Variants in HDAC9 observed in about 807,000 individuals in gnomAD.
HDAC9 encodes histone deacetylase 9, also known as MEF-2 interacting transcription repressor (MITR) protein.
Under a neutral mutation model 139.4 loss-of-function variants are expected in HDAC9, and 41 were observed. That is an observed-to-expected ratio of 0.29 (90% confidence interval 0.23 to 0.38). The LOEUF (loss-of-function observed/expected upper bound fraction) is 0.38. Among genes scored for constraint, HDAC9 ranks in the 10% least tolerant of loss-of-function variants. HDAC9 has a pLI of 1.00. For synonymous variants in HDAC9, 517 were observed against 476.2 expected, an observed-to-expected ratio of 1.09 and a Z score of -1.12; for missense variants, 1,147 against 1,297.0, an observed-to-expected ratio of 0.88 and a Z score of 1.78.
At chr7:18,306,587 T>A (rs555421514) in intron 1 of HDAC9, among the ~76,000 whole-genome samples, 53 of 152,326 alleles carry the variant, frequency 3.5e-4, no homozygotes, top group African/African-American at 1.1e-3. Flanking sequence ...CTTCTACACA[T>A]ACTTTTGGTC....
chr7:18,204,627 T>C (rs1458856486), intron 2 of HDAC9, among the ~76,000 whole-genome samples: 1 of 152,070 alleles, frequency 6.6e-6, no homozygotes, highest in Non-Finnish European at 1.5e-5. Context: ...TTGTTTCAGT[T>C]TGCATTGCTT....
chr7:18,720,773 C>T (rs1785087249), intron 12 of HDAC9, among the ~76,000 whole-genome samples: 2 of 151,812 alleles, frequency 1.3e-5, no homozygotes, highest in Non-Finnish European at 1.5e-5. Context: ...TCTCAGCCTG[C>T]TGCATTCAAG....
chr7:18,329,420 C>T (rs1172804278), intron 1 of HDAC9, among the ~76,000 whole-genome samples: 1 of 151,454 alleles, frequency 6.6e-6, no homozygotes, highest in South Asian at 2.1e-4. Context: ...TATTGTACTC[C>T]ATAAATATAC....
At chr7:18,985,324 G>A (rs1785254344) in intron 25 of HDAC9, among the ~76,000 whole-genome samples, 1 of 151,944 alleles carries the variant, frequency 6.6e-6, no homozygotes, top group Non-Finnish European at 1.5e-5. Flanking sequence ...GCGGTGTTTG[G>A]TTTTTTGTTC....
chr7:18,137,699 C>T lies in HDAC9; in HGVS notation c.-96-24530C>T, dbSNP rs1233547715. 5.3e-5 allele frequency among the ~76,000 whole-genome samples: 8 copies of T among 151,796 alleles called. No individual in the cohort carries two copies. The South Asian group carries it at 1.0e-3, about 20-fold the overall frequency. On this transcript the variant is annotated intron_variant, in intron 1 of 12. Transcript: ENST00000417496. ...AAGCTTTTTGATGTGCTGCTGGATTCGTTTTGCCAGTATTTTATTGAGAAT... is the reference window on the plus strand; with the variant it reads ...AAGCTTTTTGATGTGCTGCTGGATTTGTTTTGCCAGTATTTTATTGAGAAT...
At chr7:18,482,081 T>A (rs1268324331) in intron 1 of HDAC9, among the ~76,000 whole-genome samples, 1 of 152,078 alleles carries the variant, frequency 6.6e-6, no homozygotes, top group Non-Finnish European at 1.5e-5. Flanking sequence ...TGAGGCATGA[T>A]CATTCAGTCA....
chr7:18,783,468 C>G (rs1187223236), intron 16 of HDAC9, among the ~76,000 whole-genome samples: 3 of 151,940 alleles, frequency 2.0e-5, no homozygotes, highest in Non-Finnish European at 4.4e-5. Flanking sequence ...CATAAAAACT[C>G]CAGTTATTTT....
At chr7:18,383,460 T>C (rs1183958978) in intron 1 of HDAC9, among the ~76,000 whole-genome samples, 1 of 152,180 alleles carries the variant, frequency 6.6e-6, no homozygotes, top group East Asian at 1.9e-4. Flanking sequence ...AACTGGCATT[T>C]AAGTTAGTAA....
At chr7:18,368,826 C>G (rs993070365) in intron 1 of HDAC9, among the ~76,000 whole-genome samples, 1 of 151,944 alleles carries the variant, frequency 6.6e-6, no homozygotes. Flanking sequence ...CTCTGTGGTG[C>G]CCCTGAGAAG....
intron 22 of HDAC9, among the ~76,000 whole-genome samples, chr7:18,912,210 A>T (rs1024982931): frequency 1.4e-4 from 22 of 151,986 alleles, no homozygotes; most frequent in Non-Finnish European, 1.6e-4. Context: ...TGCTCAATTC[A>T]TCTTATTATC....
At chr7:18,548,440 C>G (rs935093845) in intron 2 of HDAC9, among the ~76,000 whole-genome samples, 1 of 151,988 alleles carries the variant, frequency 6.6e-6, no homozygotes, top group African/African-American at 2.4e-5. Context: ...CGAGTTGCCA[C>G]AAAACATCAA....
At chr7:18,318,747 G>C (rs1487335417) in intron 1 of HDAC9, among the ~76,000 whole-genome samples, 2 of 152,096 alleles carry the variant, frequency 1.3e-5, no homozygotes, top group Admixed American at 6.5e-5. Context: ...TTCATACTTT[G>C]GGTCTGTCAC....
At chr7:18,635,159 C>T (rs955874864) in intron 8 of HDAC9, among the ~76,000 whole-genome samples, 1 of 151,654 alleles carries the variant, frequency 6.6e-6, no homozygotes, top group African/African-American at 2.4e-5. Context: ...AGTCCCTCTG[C>T]TTGGTTATTG....
At chr7:18,975,664 A>G in intron 24 of HDAC9, 142 bp from the exon 25 acceptor site, 1 of 749,302 alleles carries the variant, frequency 1.3e-6, no homozygotes, top group Non-Finnish European at 2.2e-6. Flanking sequence ...CCCAATCATA[A>G]CAGTTAAGAA....
intron 12 of HDAC9, among the ~76,000 whole-genome samples, chr7:18,726,631 C>A (rs1785567710): frequency 6.6e-6 from 1 of 151,692 alleles, no homozygotes; most frequent in Non-Finnish European, 1.5e-5. Context: ...AGATTATGAA[C>A]TCCCTCATGT....
chr7:18,470,417 C>T (rs942785673), intron 1 of HDAC9, among the ~76,000 whole-genome samples: 16 of 151,950 alleles, frequency 1.1e-4, no homozygotes, highest in South Asian at 2.1e-4. Context: ...TATTTCCATA[C>T]GCTTAGCCAC....
rs1430745467 is a variant in HDAC9, at chr7:18,119,256, A to G, written c.-97+32043A>G. On this transcript the variant is annotated intron_variant, in intron 1 of 12. Coordinates refer to the HDAC9 transcript ENST00000417496. Reference sequence around the variant, plus strand: ...GCATGCTCCATGCTATTTCCTTGCAAGTCTAGATACTGTCACATGCCTGTA... The same window carrying G: ...GCATGCTCCATGCTATTTCCTTGCAGGTCTAGATACTGTCACATGCCTGTA... Among the ~76,000 whole-genome samples the G allele has an allele frequency of 1.3e-5, 2 of 152,192 alleles. 1 individual carries two copies. The highest frequency in any genetic ancestry group is 4.8e-5 in the African/African-American group (2 of 41,452).
At chr7:18,639,896 C>T (rs1322220758) in intron 8 of HDAC9, among the ~76,000 whole-genome samples, 1 of 151,904 alleles carries the variant, frequency 6.6e-6, no homozygotes, top group African/African-American at 2.4e-5. Context: ...TTGGGTGCTG[C>T]CCAGGGTTAC....
intron 23 of HDAC9, among the ~76,000 whole-genome samples, chr7:18,938,749 A>G (rs1453147116): frequency 6.6e-6 from 1 of 152,228 alleles, no homozygotes; most frequent in African/African-American, 2.4e-5. Flanking sequence ...AAAATCACCA[A>G]CTGGTCAGAG....
Sources: allele counts gnomAD v4.1 joint callset (sites outside exome capture counted in the v4.1 genomes callset), GRCh38; gene constraint gnomAD v4.1.1; transcripts MANE v1.5; gene names NCBI Gene and HGNC (gene_info 2026-07-23, HGNC 2026-07-21).